The following ADGRL2 variants were observed in gnomAD, a reference collection of about 807,000 sequenced individuals.
ADGRL2 encodes calcium-independent alpha-latrotoxin receptor 2.
Under a neutral mutation model 157.4 loss-of-function variants are expected in ADGRL2, and 44 were observed. The observed-to-expected ratio is 0.28, with a 90% CI of 0.22 to 0.36. ADGRL2 has a LOEUF of 0.36. Among genes scored for constraint, ADGRL2 ranks in the 10% least tolerant of loss-of-function variants. ADGRL2 has a pLI of 1.00. For synonymous variants in ADGRL2, 585 were observed against 624.7 expected (o/e 0.94, Z 0.95); for missense variants, 1,510 against 1,768.9 (o/e 0.85, Z 2.63).
chr1:81,651,760 A>T (rs1248995940), intron 3 of ADGRL2, among the ~76,000 whole-genome samples: 1 of 152,120 alleles, frequency 6.6e-6, no homozygotes, highest in African/African-American at 2.4e-5. Context: ...TAGAGACAGG[A>T]TCTTGCTCAT....
chr1:81,666,472 C>T (rs1026320534), intron 3 of ADGRL2, among the ~76,000 whole-genome samples: 1 of 152,138 alleles, frequency 6.6e-6, no homozygotes, highest in African/African-American at 2.4e-5. Context: ...CATCATTAAA[C>T]TCTCAGTGTT....
At chr1:81,954,238 G>C (rs1303829108) in intron 10 of ADGRL2, among the ~76,000 whole-genome samples, 1 of 151,096 alleles carries the variant, frequency 6.6e-6, no homozygotes, top group African/African-American at 2.4e-5. Flanking sequence ...TTGGCAGAAA[G>C]AGACTACTTC....
At chr1:81,326,568 G>A (rs1413542981) in intron 1 of ADGRL2, among the ~76,000 whole-genome samples, 6 of 152,142 alleles carry the variant, frequency 3.9e-5, no homozygotes, top group Non-Finnish European at 7.4e-5. Context: ...CGGCAATCCA[G>A]CTATGTTCAA....
chr1:81,926,300 C>T (rs2095104965), intron 3 of ADGRL2, among the ~76,000 whole-genome samples: 1 of 151,968 alleles, frequency 6.6e-6, no homozygotes, highest in Non-Finnish European at 1.5e-5. Flanking sequence ...AAAATCCCCT[C>T]ACAATTCGAA....
chr1:81,309,271 G>A (rs1265353815), intron 1 of ADGRL2, among the ~76,000 whole-genome samples: 2 of 152,112 alleles, frequency 1.3e-5, no homozygotes, highest in East Asian at 3.9e-4. Context: ...GATTGATTAT[G>A]ATATTGAGTG....
intron 22 of ADGRL2, among the ~76,000 whole-genome samples, 169 bp from the exon 23 acceptor site, chr1:81,987,700 T>C (rs755971395): frequency 3.0e-4 from 46 of 152,036 alleles, no homozygotes; most frequent in Non-Finnish European, 4.7e-4. Context: ...TTGGTAAAGT[T>C]TTCACATAAT....
chr1:81,837,447 C>G (rs1488304895), intron 2 of ADGRL2, among the ~76,000 whole-genome samples: 1 of 151,768 alleles, frequency 6.6e-6, no homozygotes, highest in Admixed American at 6.6e-5. Context: ...TCTAAAACTC[C>G]TAAGTTAAAA....
At chr1:81,564,840 T>C (rs956258225) in intron 2 of ADGRL2, among the ~76,000 whole-genome samples, 1 of 152,170 alleles carries the variant, frequency 6.6e-6, no homozygotes, top group Non-Finnish European at 1.5e-5. Context: ...CTCTAGTCTA[T>C]ATGTCTGGCT....
At chr1:81,323,093 AG>A (rs1660642305) in intron 1 of ADGRL2, among the ~76,000 whole-genome samples, 1 of 152,106 alleles carries the variant, frequency 6.6e-6, no homozygotes, top group Non-Finnish European at 1.5e-5. Context: ...CCTGATCTCA[AG>A]TGATCTACCC....
intron 3 of ADGRL2, among the ~76,000 whole-genome samples, chr1:81,639,540 C>A (rs1370424093): frequency 7.6e-4 from 63 of 83,000 alleles, no homozygotes; most frequent in Middle Eastern, 0.013. Context: ...TCCATCTCTA[C>A]AAAAAAAAAA....
At chr1:81,936,906 T>C in intron 4 of ADGRL2, 69 bp downstream of exon 4, 1 of 934,084 alleles carries the variant, frequency 1.1e-6, no homozygotes, top group Non-Finnish European at 1.8e-6. Flanking sequence ...AGACTACACA[T>C]GTGAAAGAAG....
rs1004529662 is a variant in ADGRL2, at chr1:81,827,766, A to G, written c.-100-9119A>G. ...TTTTAGTAGAGATGGGATTTCACCA[A>G]GTTGTCCAGGCTGGTCTCGAACTCC... is the stretch of plus-strand genomic sequence containing the variant. On this transcript the variant is annotated intron_variant, in intron 1 of 23. Transcript: ENST00000686636. Among the ~76,000 whole-genome samples the G allele has an allele frequency of 5.9e-5, 9 of 152,034 alleles. No individual in the cohort carries two copies. The East Asian group carries it at 9.7e-4, about 16-fold the overall frequency.
intron 1 of ADGRL2, among the ~76,000 whole-genome samples, chr1:81,751,475 G>A (rs552262988): frequency 6.6e-4 from 100 of 152,082 alleles, no homozygotes; most frequent in Non-Finnish European, 6.6e-4. Flanking sequence ...CCTAAACAAG[G>A]AGCATCTTAC....
intron 2 of ADGRL2, among the ~76,000 whole-genome samples, chr1:81,524,263 G>A (rs184256536): frequency 3.3e-5 from 5 of 152,186 alleles, no homozygotes; most frequent in African/African-American, 4.8e-5. Context: ...CTACTCGGGA[G>A]GCTGAGGCAG....
intron 3 of ADGRL2, among the ~76,000 whole-genome samples, chr1:81,646,683 C>A (rs1036715414): frequency 2.0e-5 from 3 of 152,108 alleles, no homozygotes; most frequent in South Asian, 2.1e-4. Context: ...ACATCTCAAC[C>A]AGTCAGTAGG....
chr1:81,676,956 G>T (rs1010967036), intron 3 of ADGRL2, among the ~76,000 whole-genome samples: 1 of 149,900 alleles, frequency 6.7e-6, no homozygotes, highest in Non-Finnish European at 1.5e-5. Context: ...GATTACAGGC[G>T]TGAGCCACTG....
At chr1:81,636,916 A>G (rs1279604709) in intron 3 of ADGRL2, among the ~76,000 whole-genome samples, 1 of 152,168 alleles carries the variant, frequency 6.6e-6, no homozygotes, top group African/African-American at 2.4e-5. Context: ...GCTCACTGCA[A>G]GCTGTGCTTC....
chr1:81,804,724 C>T (rs2088849783), intron 1 of ADGRL2, among the ~76,000 whole-genome samples: 2 of 152,182 alleles, frequency 1.3e-5, no homozygotes, highest in African/African-American at 4.8e-5. Flanking sequence ...TTTGGGGTCC[C>T]TTCAGTGTAA....
intron 2 of ADGRL2, among the ~76,000 whole-genome samples, chr1:81,843,997 C>G (rs191432282): frequency 1.3e-4 from 20 of 152,196 alleles, no homozygotes; most frequent in Non-Finnish European, 2.1e-4. Flanking sequence ...GTATTGCAAA[C>G]GTGTATGTCA....
Sources: allele counts gnomAD v4.1 joint callset (sites outside exome capture counted in the v4.1 genomes callset), GRCh38; gene constraint gnomAD v4.1.1; transcripts MANE v1.5; gene names NCBI Gene and HGNC (gene_info 2026-07-23, HGNC 2026-07-21).